Variants in BACH2 observed in about 807,000 individuals in gnomAD.
BACH2 encodes BACH transcriptional regulator 2.
BACH2 carries 5 observed loss-of-function variants against 61.8 expected under a neutral mutation model. The observed-to-expected ratio is 0.08, with a 90% CI of 0.04 to 0.17. The LOEUF is 0.17. Among genes scored for constraint, BACH2 ranks in the 10% least tolerant of loss-of-function variants. BACH2 has a pLI of 1.00. For synonymous variants in BACH2, 446 were observed against 440.1 expected, an observed-to-expected ratio of 1.01 and a Z score of -0.17; for missense variants, 824 against 1,091.1, an observed-to-expected ratio of 0.76 and a Z score of 3.45.
At chr6:90,006,370 C>T (rs1371151000) in intron 6 of BACH2, among the ~76,000 whole-genome samples, 2 of 152,174 alleles carry the variant, frequency 1.3e-5, no homozygotes. Context: ...AAGGAAAGGC[C>T]AGCTCAGGAT....
intron 2 of BACH2, among the ~76,000 whole-genome samples, chr6:90,262,670 G>T (rs1029635485): frequency 3.3e-5 from 5 of 152,134 alleles, no homozygotes; most frequent in African/African-American, 1.2e-4. Flanking sequence ...AACATTACAT[G>T]CACACACTGG....
chr6:90,069,841 C>G (rs1456303372), intron 5 of BACH2, among the ~76,000 whole-genome samples: 2 of 152,026 alleles, frequency 1.3e-5, no homozygotes, highest in African/African-American at 4.8e-5. Context: ...GAAGAAAAAG[C>G]AGAGAAGAAG....
In BACH2 at chr6:90,106,643, T is replaced by TA. The variant is rs1782931614; in HGVS notation, c.-161-17535dup. On this transcript the variant is annotated intron_variant, in intron 4 of 8. Transcript: ENST00000257749. The stretch of plus-strand genomic sequence containing the variant: ...ATCGTTAAGCAATGAATGACTGTGC[T>TA]ATTATGAGGTGACAGGCATTTTGGG... Among the ~76,000 whole-genome samples the TA allele has an allele frequency of 3.9e-5, 6 of 152,370 alleles. No individual in the cohort carries two copies. In the South Asian group the frequency reaches 1.2e-3, roughly 32 times the overall value.
chr6:90,253,163 G>A (rs981530908), intron 2 of BACH2, among the ~76,000 whole-genome samples: 7 of 152,162 alleles, frequency 4.6e-5, no homozygotes, highest in African/African-American at 1.4e-4. Flanking sequence ...AGAATTGCTT[G>A]AGCCTGGGAG....
At chr6:90,237,966 T>C (rs1441586647) in intron 3 of BACH2, among the ~76,000 whole-genome samples, 1 of 152,226 alleles carries the variant, frequency 6.6e-6, no homozygotes, top group Non-Finnish European at 1.5e-5. Context: ...TAGAAATCAA[T>C]GTGTGTGCAA....
chr6:90,162,516 C>A (rs961307911), intron 4 of BACH2, among the ~76,000 whole-genome samples: 12 of 152,114 alleles, frequency 7.9e-5, no homozygotes, highest in Admixed American at 6.5e-5. Context: ...GTGGCACACA[C>A]CTGTGGTCCC....
intron 5 of BACH2, among the ~76,000 whole-genome samples, chr6:90,037,977 G>A (rs1339198503): frequency 6.6e-6 from 1 of 152,140 alleles, no homozygotes; most frequent in Non-Finnish European, 1.5e-5. Flanking sequence ...AAGCTAGGAA[G>A]AAGGAAGGAA....
intron 5 of BACH2, among the ~76,000 whole-genome samples, chr6:90,055,289 G>C (rs1780273900): frequency 6.6e-6 from 1 of 152,136 alleles, no homozygotes; most frequent in Non-Finnish European, 1.5e-5. Context: ...GGACCCGATG[G>C]AGCTGAAAAC....
At position 89,938,168 on chromosome 6, in the gene BACH2, A is replaced by G. The variant is rs752431611; in HGVS notation, c.2019T>C (p.Asn673=). Reference sequence around the variant, plus strand: ...CCAATTTGCGGATTTCACATTCTAAATTCTGAATACAGTCCAGTTTCCTTT... The same window carrying G: ...CCAATTTGCGGATTTCACATTCTAAGTTCTGAATACAGTCCAGTTTCCTTT... The part of the protein sequence containing the change: ...CRKRKLDCIQ[N]LECEIRKLVC... The change falls in exon 8 of 9, where the codon AAT becomes AAC. Residue 673 remains asparagine (N), a synonymous_variant. Coordinates refer to ENST00000257749, the MANE Select transcript of BACH2 (RefSeq NM_021813.4). 2 of 1,613,612 alleles carry G rather than the reference A, an allele frequency of 1.2e-6. No homozygotes were observed. Among genetic ancestry groups the G allele is most frequent in the Admixed American group, 1.7e-5 (1 of 59,992 alleles).
At position 90,004,556 on chromosome 6, in the gene BACH2, C is replaced by T. The variant is rs112619596; in HGVS notation, c.243+4046G>A. Among the ~76,000 whole-genome samples the T allele has an allele frequency of 2.9e-3, 443 of 152,286 alleles. 3 individuals are homozygous for T. Among genetic ancestry groups the T allele is most frequent in the African/African-American group, 0.01 (423 of 41,548 alleles). Reference sequence around the variant, plus strand: ...ATTCTGTCAAGGAGCCAGGCAGCCACGTAAGAATAGTGTTGATGTGCAAAC... The same window carrying T: ...ATTCTGTCAAGGAGCCAGGCAGCCATGTAAGAATAGTGTTGATGTGCAAAC... On this transcript the variant is annotated intron_variant, in intron 6 of 8. Transcript: ENST00000257749.
intron 4 of BACH2, among the ~76,000 whole-genome samples, chr6:90,115,899 C>G (rs181724386): frequency 6.6e-6 from 1 of 152,066 alleles, no homozygotes; most frequent in Non-Finnish European, 1.5e-5. Flanking sequence ...TACATGCAGT[C>G]AACAAGCATG....
rs572775230 is a variant in BACH2, at chr6:89,995,597, C to T, written c.243+13005G>A. On this transcript the variant is annotated intron_variant, in intron 6 of 8. Transcript: ENST00000257749. ...AGTGTGTGTGATGTTACTTTGTTTC[C>T]GCATGTGTTGTTTTGGTATAATAAT... Among the ~76,000 whole-genome samples, 203 of 152,130 alleles carry T rather than the reference C, an allele frequency of 1.3e-3. 1 individual carries two copies. The highest frequency in any genetic ancestry group is 4.5e-3 in the African/African-American group (185 of 41,472).
intron 5 of BACH2, among the ~76,000 whole-genome samples, chr6:90,058,050 T>C (rs1004743367): frequency 6.6e-6 from 1 of 152,346 alleles, no homozygotes; most frequent in African/African-American, 2.4e-5. Flanking sequence ...GCATTCCCTT[T>C]GAAAACTGGC....
intron 3 of BACH2, among the ~76,000 whole-genome samples, chr6:90,234,521 G>C (rs1451285094): frequency 6.6e-6 from 1 of 152,182 alleles, no homozygotes. Flanking sequence ...GCCTTCTCCA[G>C]AATTTGCAGC....
intron 8 of BACH2, among the ~76,000 whole-genome samples, chr6:89,934,349 G>A (rs1287453740): frequency 3.9e-5 from 6 of 152,246 alleles, no homozygotes; most frequent in South Asian, 2.1e-4. Context: ...GACTAATTAA[G>A]GTTTTACCAT....
At chr6:90,204,077 T>C (rs1414045134) in intron 4 of BACH2, among the ~76,000 whole-genome samples, 1 of 152,142 alleles carries the variant, frequency 6.6e-6, no homozygotes, top group Non-Finnish European at 1.5e-5. Flanking sequence ...AATGTCTAAC[T>C]GCAATCAGCA....
intron 5 of BACH2, among the ~76,000 whole-genome samples, chr6:90,084,812 T>C (rs1156824897): frequency 6.6e-6 from 1 of 152,126 alleles, no homozygotes; most frequent in South Asian, 2.1e-4. Context: ...ATATATATAC[T>C]GGTATCTTAA....
chr6:90,225,081 C>CAAT (rs1486316820), intron 3 of BACH2, among the ~76,000 whole-genome samples: 1 of 152,022 alleles, frequency 6.6e-6, no homozygotes, highest in African/African-American at 2.4e-5. Flanking sequence ...ACAACAACAA[C>CAAT]AACAACAACA....
chr6:90,037,664 C>T (rs1197229205), intron 5 of BACH2, among the ~76,000 whole-genome samples: 1 of 152,176 alleles, frequency 6.6e-6, no homozygotes, highest in Non-Finnish European at 1.5e-5. Flanking sequence ...AGTTCATTAA[C>T]CCCTGTTGTG....
Sources: allele counts gnomAD v4.1 joint callset (sites outside exome capture counted in the v4.1 genomes callset), GRCh38; gene constraint gnomAD v4.1.1; transcripts MANE v1.5; gene names NCBI Gene and HGNC (gene_info 2026-07-23, HGNC 2026-07-21).